Variants in RBM33 observed in about 807,000 individuals in gnomAD.
RBM33 encodes RNA-binding protein 33.
Under a neutral mutation model 132.6 loss-of-function variants are expected in RBM33, and 28 were observed. That is an observed-to-expected ratio of 0.21 (90% confidence interval 0.16 to 0.29). The LOEUF (loss-of-function observed/expected upper bound fraction) is 0.29, where lower values mean the gene tolerates loss of function less well. RBM33 is among the 10% of genes least tolerant of loss of function. The pLI is 1.00. For synonymous variants in RBM33, 634 were observed against 593.0 expected (o/e 1.07, Z -1.01); for missense variants, 1,291 against 1,518.5 (o/e 0.85, Z 2.49).
intron 14 of RBM33, among the ~76,000 whole-genome samples, chr7:155,757,506 C>T (rs546356454): frequency 2.6e-5 from 4 of 152,138 alleles, no homozygotes; most frequent in East Asian, 1.9e-4. Context: ...TTGTTGATCC[C>T]GTTTGTTTCA....
intron 14 of RBM33, among the ~76,000 whole-genome samples, chr7:155,746,043 TGTC>T (rs1249499349): frequency 1.3e-5 from 2 of 152,266 alleles, no homozygotes; most frequent in African/African-American, 4.8e-5. Context: ...CCTTTGCAGG[TGTC>T]GCCCATCTGA....
At chr7:155,653,855 C>T (rs1280180206) in intron 1 of RBM33, among the ~76,000 whole-genome samples, 1 of 152,198 alleles carries the variant, frequency 6.6e-6, no homozygotes, top group Non-Finnish European at 1.5e-5. Context: ...AGACTTCAGC[C>T]AGGGAGAAGT....
At chr7:155,712,005 T>C (rs1800318638) in intron 8 of RBM33, among the ~76,000 whole-genome samples, 1 of 152,258 alleles carries the variant, frequency 6.6e-6, no homozygotes, top group Non-Finnish European at 1.5e-5. Context: ...ATGGGTCAAG[T>C]ATATTTCTTT....
chr7:155,746,328 C>G (rs1253231467), intron 14 of RBM33: 1 of 151,868 alleles, frequency 6.6e-6, no homozygotes, highest in Non-Finnish European at 1.5e-5. Flanking sequence ...TTGTCCCAGA[C>G]TACTGGACTA....
chr7:155,697,582 TTGTGTG>T (rs142018198), intron 5 of RBM33, among the ~76,000 whole-genome samples: 1 of 150,494 alleles, frequency 6.6e-6, no homozygotes, highest in Non-Finnish European at 1.5e-5. Flanking sequence ...ATATATAGAT[TTGTGTG>T]TGTGTGTGTG....
chr7:155,705,686 C>T (rs778429238), intron 6 of RBM33, among the ~76,000 whole-genome samples: 4 of 152,180 alleles, frequency 2.6e-5, no homozygotes, highest in African/African-American at 7.2e-5. Context: ...TCTGTTGTCC[C>T]AATTTAGCTA....
intron 2 of RBM33, among the ~76,000 whole-genome samples, chr7:155,669,173 G>A (rs991328387): frequency 5.3e-5 from 8 of 152,148 alleles, no homozygotes; most frequent in Middle Eastern, 3.2e-3. Flanking sequence ...ACACTTGGAA[G>A]GTGAGAAGAG....
chr7:155,746,859 C>CA (rs1424028401), intron 14 of RBM33, among the ~76,000 whole-genome samples: 6 of 152,128 alleles, frequency 3.9e-5, no homozygotes, highest in Non-Finnish European at 8.8e-5. Context: ...TTAAAAGACA[C>CA]AAAAAATGTA....
At chr7:155,768,780 A>AT (rs1802309700) in intron 16 of RBM33, among the ~76,000 whole-genome samples, 1 of 151,978 alleles carries the variant, frequency 6.6e-6, no homozygotes, top group South Asian at 2.1e-4. Context: ...CGCCTGGCTA[A>AT]TTTTTTGTAT....
rs1802547366 is a variant in RBM33 at position 155,774,745 on chromosome 7, C to G, written c.3464+98C>G. 1 of 1,026,354 alleles carries G rather than the reference C, an allele frequency of 9.7e-7. No individual in the cohort carries two copies. The highest frequency in any genetic ancestry group is 1.3e-5 in the South Asian group (1 of 77,600). 63.6% of individuals were successfully genotyped at this position (1,026,354 alleles called of 1,614,324 possible). A position where few individuals can be genotyped will look rare whatever the true frequency, so the allele number is the denominator to read the frequency against. ...CATCATGGTAGCAAGCGTGTGTCCC[C>G]ACCTGTTCCTGTAGAAGGACACTAG... On this transcript the variant is annotated intron_variant, in intron 17 of 17. Coordinates refer to ENST00000401878, the MANE Select transcript of RBM33 (RefSeq NM_053043.3). The surrounding 1 kb of genome is among the most constrained non-coding windows in gnomAD (Gnocchi z 4.2).
intron 2 of RBM33, among the ~76,000 whole-genome samples, chr7:155,668,407 C>T (rs1798857519): frequency 6.6e-6 from 1 of 152,150 alleles, no homozygotes; most frequent in Admixed American, 6.5e-5. Flanking sequence ...TGATTGCACT[C>T]CCTGAGGTGT....
intron 2 of RBM33, among the ~76,000 whole-genome samples, chr7:155,667,162 A>T (rs1481339344): frequency 3.3e-5 from 5 of 152,186 alleles, no homozygotes; most frequent in Non-Finnish European, 5.9e-5. Flanking sequence ...TTTAGCATGT[A>T]TTTCCCGCAA....
At chr7:155,735,065 C>T (rs889978380) in intron 9 of RBM33, among the ~76,000 whole-genome samples, 1 of 152,068 alleles carries the variant, frequency 6.6e-6, no homozygotes, top group African/African-American at 2.4e-5. Context: ...GTAAGTTGGA[C>T]CATTGTAAGT....
intron 1 of RBM33, among the ~76,000 whole-genome samples, chr7:155,661,045 C>T (rs1798624781): frequency 6.8e-6 from 1 of 147,456 alleles, no homozygotes; most frequent in Non-Finnish European, 1.5e-5. Context: ...AGTTATTTTT[C>T]AATTTCAGAA....
intron 1 of RBM33, among the ~76,000 whole-genome samples, chr7:155,662,866 G>A (rs1798692233): frequency 6.6e-6 from 1 of 152,190 alleles, no homozygotes; most frequent in Non-Finnish European, 1.5e-5. Context: ...GAGCTGAGTG[G>A]GGAGGGCGTC....
At chr7:155,737,353 CTGTGTG>C (rs59512454) in intron 9 of RBM33, among the ~76,000 whole-genome samples, 171 bp from the exon 10 acceptor site, 2,225 of 142,934 alleles carry the variant, frequency 0.016, 47 homozygotes, top group African/African-American at 0.054. Flanking sequence ...ATGCATGACT[CTGTGTG>C]TGTGTGTGTG....
At chr7:155,729,812 C>T (rs776885072) in intron 9 of RBM33, among the ~76,000 whole-genome samples, 1 of 151,890 alleles carries the variant, frequency 6.6e-6, no homozygotes, top group Non-Finnish European at 1.5e-5. Context: ...TGTCTCTAAA[C>T]CAGTGATCAC....
chr7:155,692,916 C>G (rs112641341), intron 5 of RBM33, among the ~76,000 whole-genome samples: 133 of 152,282 alleles, frequency 8.7e-4, no homozygotes, highest in African/African-American at 3.0e-3. Flanking sequence ...AAGAGTAAAT[C>G]ATGGCCTAAC....
In RBM33 at chr7:155,774,527, C is replaced by T. The variant is rs1009460845; in HGVS notation, c.3376-32C>T. ...TCATATTTTTTATTGTCATTTACAACTGATCTTAAAGTGTTTGTTTTCTTC... is the reference window on the plus strand; with the variant it reads ...TCATATTTTTTATTGTCATTTACAATTGATCTTAAAGTGTTTGTTTTCTTC... On this transcript the variant is annotated intron_variant, in intron 16 of 17. Coordinates refer to ENST00000401878, the MANE Select transcript of RBM33 (RefSeq NM_053043.3). This position sits in a 1 kb window ranked among gnomAD's most constrained non-coding sequence, Gnocchi z 4.2. The T allele has an allele frequency of 2.7e-6, 4 of 1,465,304 alleles. No homozygotes were observed. Among genetic ancestry groups the T allele is most frequent in the East Asian group, 2.3e-5 (1 of 44,234 alleles). The allele number at this position is 1,465,304 out of a possible 1,614,324, so 90.8% of individuals were successfully genotyped here.
Sources: allele counts gnomAD v4.1 joint callset (sites outside exome capture counted in the v4.1 genomes callset), GRCh38; gene constraint gnomAD v4.1.1; non-coding constraint Gnocchi (gnomAD v3.1); transcripts MANE v1.5; gene names NCBI Gene and HGNC (gene_info 2026-07-23, HGNC 2026-07-21).